NAMPT: variants seen among roughly 807,000 people sequenced by gnomAD.
NAMPT encodes the protein nicotinamide phosphoribosyltransferase.
In NAMPT, 7 loss-of-function variants were observed where a neutral mutation model predicts 58.7. The ratio of observed to expected loss-of-function variants is 0.12; its 90% CI spans 0.07 to 0.22. The LOEUF (loss-of-function observed/expected upper bound fraction) is 0.22, where lower values mean the gene tolerates loss of function less well. NAMPT is among the 10% of genes least tolerant of loss of function. The pLI is 1.00. For synonymous variants in NAMPT, 145 were observed against 198.1 expected (o/e 0.73, Z 2.25); for missense variants, 271 against 567.9 (o/e 0.48, Z 5.31).
At chr7:106,251,272 C>G in intron 10 of NAMPT, 79 bp from the exon 11 acceptor site, 1 of 905,296 alleles carries the variant, frequency 1.1e-6, no homozygotes, top group Non-Finnish European at 1.8e-6. Context: ...ATTAGACTAA[C>G]CAACCAGTCA....
chr7:106,267,874 A>AAAAAAAC (rs1453900060), intron 6 of NAMPT, among the ~76,000 whole-genome samples: 1 of 135,172 alleles, frequency 7.4e-6, no homozygotes, highest in Non-Finnish European at 1.6e-5. Flanking sequence ...AAAAAAAAAA[A>AAAAAAAC]AACAACCTGA....
intron 6 of NAMPT, among the ~76,000 whole-genome samples, chr7:106,265,920 A>G (rs1444854553): frequency 6.6e-6 from 1 of 152,224 alleles, no homozygotes. Flanking sequence ...AGATACATAC[A>G]ATAGTGGTAA....
chr7:106,258,524 TAAG>T (rs1312413666), intron 8 of NAMPT, among the ~76,000 whole-genome samples: 1 of 152,202 alleles, frequency 6.6e-6, no homozygotes, highest in Non-Finnish European at 1.5e-5. Context: ...TTATGGCCCT[TAAG>T]AACCTTATTT....
intron 6 of NAMPT, among the ~76,000 whole-genome samples, chr7:106,265,783 T>C (rs1792398223): frequency 6.6e-6 from 1 of 152,138 alleles, no homozygotes; most frequent in Non-Finnish European, 1.5e-5. Context: ...AGATCATAAA[T>C]AATCAATGAA....
chr7:106,257,443 A>AC lies in NAMPT; in HGVS notation c.1090-2940dup, dbSNP rs568162532. On this transcript the variant is annotated intron_variant, in intron 8 of 10. Transcript: ENST00000222553. The stretch of plus-strand genomic sequence containing the variant: ...GTTTCCCAGACTGGGAAACAGTGAG[A>AC]CCCCCATCTCTACAAAACATTAAAA... 2.5e-3 allele frequency among the ~76,000 whole-genome samples: 342 copies of AC among 135,600 alleles called. 1 individual carries two copies. Among genetic ancestry groups the AC allele is most frequent in the African/African-American group, 9.1e-3 (325 of 35,730 alleles). The allele number at this position is 135,600 out of a possible 152,430, so 89.0% of individuals were successfully genotyped here. A position where few individuals can be genotyped will look rare whatever the true frequency, so the allele number is the denominator to read the frequency against.
chr7:106,281,555 G>T (rs756009344), intron 1 of NAMPT, among the ~76,000 whole-genome samples: 1 of 152,130 alleles, frequency 6.6e-6, no homozygotes, highest in East Asian at 1.9e-4. Context: ...ATCAGAAGAG[G>T]ATACACTCTG....
chr7:106,265,982 C>G (rs187962213), intron 6 of NAMPT, among the ~76,000 whole-genome samples: 91 of 152,262 alleles, frequency 6.0e-4, no homozygotes, highest in African/African-American at 2.1e-3. Flanking sequence ...GATAGTAGCT[C>G]ATTTATCATC....
At chr7:106,254,529 C>T (rs777300619) in intron 8 of NAMPT, 25 bp from the exon 9 acceptor site, 1 of 1,607,516 alleles carries the variant, frequency 6.2e-7, no homozygotes, top group Non-Finnish European at 8.5e-7. Context: ...CAAAACAAAA[C>T]CAAACCAAAC....
chr7:106,282,466 A>T (rs910243097), intron 1 of NAMPT, among the ~76,000 whole-genome samples: 1 of 152,232 alleles, frequency 6.6e-6, no homozygotes, highest in Non-Finnish European at 1.5e-5. Flanking sequence ...AGCACATTTC[A>T]TAACTAATGG....
At chr7:106,276,986 A>G (rs1792660098) in intron 2 of NAMPT, 37 bp downstream of exon 2, 1 of 1,482,280 alleles carries the variant, frequency 6.7e-7, no homozygotes, top group Non-Finnish European at 9.4e-7. Flanking sequence ...GTTAAGAGTA[A>G]TAAGCAGTGT....
intron 10 of NAMPT, among the ~76,000 whole-genome samples, chr7:106,251,537 G>A (rs974282387): frequency 2.1e-4 from 32 of 152,132 alleles, no homozygotes; most frequent in Non-Finnish European, 7.4e-5. Flanking sequence ...AGGGAGAACT[G>A]TAATCATTGT....
rs1046563956 is a variant in NAMPT at position 106,262,001 on chromosome 7, A to T, written c.970-294T>A. 3.3e-5 allele frequency among the ~76,000 whole-genome samples: 5 copies of T among 152,070 alleles called. No homozygotes were observed. In the East Asian group the frequency reaches 9.6e-4, roughly 29 times the overall value. On this transcript the variant is annotated intron_variant, in intron 7 of 10. Transcript: ENST00000222553. ...AAATTATATGGATTCAAGGAAAAAA[A>T]AATCCTTAATATTAAATAAGTATAT... is the stretch of plus-strand genomic sequence containing the variant.
chr7:106,260,072 A>C (rs1343184084), intron 8 of NAMPT, among the ~76,000 whole-genome samples: 3 of 152,174 alleles, frequency 2.0e-5, no homozygotes, highest in African/African-American at 7.2e-5. Flanking sequence ...CTTCCACTTA[A>C]AAGTGACCAG....
upstream of NAMPT, chr7:106,285,576 C>A: frequency 5.1e-6 from 5 of 985,926 alleles, no homozygotes; most frequent in Non-Finnish European, 6.0e-6. Context: ...TCCAGCCTTT[C>A]GCCTCCATCC....
At chr7:106,282,831 T>C (rs986499270) in intron 1 of NAMPT, among the ~76,000 whole-genome samples, 3 of 152,350 alleles carry the variant, frequency 2.0e-5, no homozygotes, top group African/African-American at 7.2e-5. Context: ...GTTCCCAACT[T>C]TGGCCAATAG....
chr7:106,270,956 C>A (rs1317595123), intron 4 of NAMPT, among the ~76,000 whole-genome samples: 1 of 152,220 alleles, frequency 6.6e-6, no homozygotes, highest in Admixed American at 6.5e-5. Flanking sequence ...AACCAATCAC[C>A]TCCAACATCT....
rs1261471923 is a variant in NAMPT, at chr7:106,250,002, T to C, written c.*1081A>G. 5 of 152,122 alleles carry C rather than the reference T, an allele frequency of 3.3e-5. No individual in the cohort carries two copies. The highest frequency in any genetic ancestry group is 4.8e-5 in the African/African-American group (2 of 41,438). The allele number at this position is 152,122 out of a possible 1,614,324, so 9.4% of individuals were successfully genotyped here. A position where few individuals can be genotyped will look rare whatever the true frequency, so the allele number is the denominator to read the frequency against. ...ATTTAAGAATGTGCTTCAGTATTAC[T>C]TATTGAGGGCATTCAGTTTAAAATT... On this transcript the variant is annotated 3_prime_UTR_variant, in exon 11 of 11. Coordinates refer to ENST00000222553, the MANE Select transcript of NAMPT (RefSeq NM_005746.3).
chr7:106,274,597 G>C (rs1792598962), intron 3 of NAMPT, among the ~76,000 whole-genome samples: 1 of 152,168 alleles, frequency 6.6e-6, no homozygotes, highest in Non-Finnish European at 1.5e-5. Flanking sequence ...GCTCACACCT[G>C]TAATCCCAGC....
At chr7:106,282,156 A>G (rs1377499365) in intron 1 of NAMPT, among the ~76,000 whole-genome samples, 1 of 152,094 alleles carries the variant, frequency 6.6e-6, no homozygotes, top group Non-Finnish European at 1.5e-5. Flanking sequence ...ATCCGCTCAG[A>G]AGCAGTGAAA....
Sources: allele counts gnomAD v4.1 joint callset (sites outside exome capture counted in the v4.1 genomes callset), GRCh38; gene constraint gnomAD v4.1.1; transcripts MANE v1.5; gene names NCBI Gene and HGNC (gene_info 2026-07-23, HGNC 2026-07-21).